CLEC4D: variants seen among roughly 807,000 people sequenced by gnomAD.
The protein encoded by CLEC4D is C-type (calcium dependent, carbohydrate-recognition domain) lectin, superfamily member 8.
A neutral mutation model predicts 21.1 loss-of-function variants in CLEC4D; 21 were observed. The ratio of observed to expected loss-of-function variants is 1.00; its 90% CI spans 0.71 to 1.43. The LOEUF is 1.43. Ranked by LOEUF, CLEC4D falls within the 40% of genes most tolerant of loss-of-function variation. The probability of loss-of-function intolerance (pLI) is 0.00; values close to 1 mark genes in which losing one functional copy is unlikely to be tolerated. For synonymous variants in CLEC4D, 85 were observed against 83.1 expected, an observed-to-expected ratio of 1.02 and a Z score of -0.12; for missense variants, 289 against 260.7, an observed-to-expected ratio of 1.11 and a Z score of -0.75.
chr12:8,514,205 T>A (rs4534636), intron 1 of CLEC4D, among the ~76,000 whole-genome samples: 24,167 of 152,052 alleles, frequency 0.16, 2,121 homozygotes, highest in Middle Eastern at 0.28. Context: ...TGTGGAAATG[T>A]TTAAATTAAA....
chr12:8,518,184 C>A lies in CLEC4D; in HGVS notation c.142C>A (p.Arg48Ser), dbSNP rs867728477. The A allele has an allele frequency of 3.0e-6, 4 of 1,332,696 alleles. No homozygotes were observed. The highest frequency in any genetic ancestry group is 4.3e-6 in the Non-Finnish European group (4 of 923,972). The allele number at this position is 1,332,696 out of a possible 1,614,324, so 82.6% of individuals were successfully genotyped here. A position where few individuals can be genotyped will look rare whatever the true frequency, so the allele number is the denominator to read the frequency against. The change falls in exon 3 of 6, where the codon CGC becomes AGC. Residue 48 changes from arginine to serine, a missense_variant. Physicochemically the swap from Arg to Ser is moderately radical, Grantham distance 110. Coordinates refer to ENST00000299665, the MANE Select transcript of CLEC4D (RefSeq NM_080387.5). ...SCLVTHHNFSRCKRGTGVHKL... is the reference protein window; with the variant it reads ...SCLVTHHNFSSCKRGTGVHKL... ...GACAGTGACTCATCACAACTTTTCA[C>A]GCTGTAAGAGAGGCACAGGAGTGCA...
At chr12:8,516,842 G>GCA (rs1451429520) in intron 2 of CLEC4D, among the ~76,000 whole-genome samples, 1 of 152,174 alleles carries the variant, frequency 6.6e-6, no homozygotes, top group African/African-American at 2.4e-5. Context: ...TGGAAACAAG[G>GCA]CACACATCTA....
the CLEC4D span, among the ~76,000 whole-genome samples, chr12:8,527,379 C>G: frequency 1.3e-5 from 2 of 152,182 alleles, no homozygotes; most frequent in Admixed American, 6.5e-5. Context: ...ATTCTGTCCC[C>G]GAGCCTCTGG....
Position 8,521,143 on chromosome 12 carries a change from C to G in CLEC4D, c.520C>G (p.Pro174Ala), listed in dbSNP as rs768905111. The G allele has an allele frequency of 4.3e-6, 7 of 1,613,060 alleles. No homozygotes were observed. The highest frequency in any genetic ancestry group is 1.7e-5 in the Admixed American group (1 of 59,880). Residue 174 changes from proline to alanine, a missense_variant, in exon 6 of 6, where the codon CCC becomes GCC. By Grantham distance (27) the Pro-to-Ala change is conservative (BLOSUM62 -1). Coordinates refer to ENST00000299665, the MANE Select transcript of CLEC4D (RefSeq NM_080387.5). Reference protein sequence around the residue: ...PRRVFWHKNEPDNSQGENCVV... With the variant: ...PRRVFWHKNEADNSQGENCVV... ...TTTCAGATTCTGGCATAAGAATGAA[C>G]CCGACAACTCTCAGGGAGAAAACTG...
At position 8,518,150 on chromosome 12, in the gene CLEC4D, T is replaced by C. The variant is rs764606804; in HGVS notation, c.122-14T>C. Reference sequence around the variant, plus strand: ...TATAGAAAAAGAAACCTAACTTGCTTTTATCCTTGACAGTGACTCATCACA... The same window carrying C: ...TATAGAAAAAGAAACCTAACTTGCTCTTATCCTTGACAGTGACTCATCACA... On this transcript the variant is annotated splice_polypyrimidine_tract_variant and intron_variant, in intron 2 of 5. Transcript: ENST00000299665. 2 of 963,522 alleles carry C rather than the reference T, an allele frequency of 2.1e-6. No homozygotes were observed. The highest frequency in any genetic ancestry group is 3.4e-6 in the Non-Finnish European group (2 of 591,204). 59.7% of individuals were successfully genotyped at this position (963,522 alleles called of 1,614,324 possible).
the CLEC4D span, among the ~76,000 whole-genome samples, chr12:8,527,674 C>CG: frequency 6.6e-6 from 1 of 152,240 alleles, no homozygotes; most frequent in Non-Finnish European, 1.5e-5. Flanking sequence ...AGAGCGCAAA[C>CG]GGCTTAGACA....
In CLEC4D at chr12:8,521,471, T is replaced by G. The variant is rs148532747; in HGVS notation, c.*200T>G. On this transcript the variant is annotated 3_prime_UTR_variant, in exon 6 of 6. Transcript: ENST00000299665. The stretch of plus-strand genomic sequence containing the variant: ...GTGTGTGTGTGTGTAGATAATGTGG[T>G]TTTTGTATGGTGTTTGATGGAAGGA... The G allele has an allele frequency of 3.5e-6, 4 of 1,142,750 alleles. No homozygotes were observed. In the African/African-American group the frequency reaches 6.3e-5, roughly 18 times the overall value. The allele number at this position is 1,142,750 out of a possible 1,614,324, so 70.8% of individuals were successfully genotyped here. A position where few individuals can be genotyped will look rare whatever the true frequency, so the allele number is the denominator to read the frequency against.
At chr12:8,515,639 G>A (rs1404680620) in intron 2 of CLEC4D, among the ~76,000 whole-genome samples, 57 of 152,108 alleles carry the variant, frequency 3.7e-4, no homozygotes, top group Admixed American at 3.7e-3. Flanking sequence ...AAAAGAGTAA[G>A]CAGAAGAAAA....
At chr12:8,526,208 A>G (rs1165107750), downstream of CLEC4D, among the ~76,000 whole-genome samples, 1 of 151,956 alleles carries the variant, frequency 6.6e-6, no homozygotes, top group African/African-American at 2.4e-5. Context: ...TGTTCTCTGT[A>G]TTTTGTGAAT....
chr12:8,518,791 A>T (rs781729056), intron 3 of CLEC4D, among the ~76,000 whole-genome samples: 1 of 152,262 alleles, frequency 6.6e-6, no homozygotes, highest in East Asian at 1.9e-4. Flanking sequence ...ATATTTTGTG[A>T]TTTTCTCGTA....
In CLEC4D at chr12:8,521,644, A is replaced by C. The variant is rs1940461086; in HGVS notation, c.*373A>C. On this transcript the variant is annotated 3_prime_UTR_variant, in exon 6 of 6. Transcript: ENST00000299665. ...CAGACTCTTAGCTCTTAAAATTCAA[A>C]GATGGGATATTCTAACTGGTAGTGG... 1 of 160,584 alleles carries C rather than the reference A, an allele frequency of 6.2e-6. No individual in the cohort carries two copies. Among genetic ancestry groups the C allele is most frequent in the African/African-American group, 2.4e-5 (1 of 41,646 alleles). 9.9% of individuals were successfully genotyped at this position (160,584 alleles called of 1,614,324 possible).
At chr12:8,524,273 T>C (rs1940489921), downstream of CLEC4D, among the ~76,000 whole-genome samples, 1 of 152,184 alleles carries the variant, frequency 6.6e-6, no homozygotes, top group African/African-American at 2.4e-5. Context: ...GAAGGAATGG[T>C]ACCAGTTCTT....
chr12:8,514,495 T>C (rs1940350430), intron 1 of CLEC4D, among the ~76,000 whole-genome samples: 1 of 152,136 alleles, frequency 6.6e-6, no homozygotes, highest in Non-Finnish European at 1.5e-5. Context: ...ATAAACAAGC[T>C]CAATTATTTC....
Position 8,521,090 on chromosome 12 carries a change from C to G in CLEC4D, c.501-34C>G, listed in dbSNP as rs78269423. On this transcript the variant is annotated intron_variant, in intron 5 of 5. Coordinates refer to ENST00000299665, the MANE Select transcript of CLEC4D (RefSeq NM_080387.5). ...TATAATCTACATTGTCTATATATAC[C>G]TATAAATCTCTATCTATGTTGTTGT... The G allele has an allele frequency of 1.1e-4, 175 of 1,603,640 alleles. No homozygotes were observed. The East Asian group carries it at 3.2e-3, about 29-fold the overall frequency.
At chr12:8,528,382 A>G in the CLEC4D span, among the ~76,000 whole-genome samples, 11 of 152,168 alleles carry the variant, frequency 7.2e-5, no homozygotes, top group Non-Finnish European at 1.6e-4. Flanking sequence ...CTCACCAGAC[A>G]CAGCTTTTTG....
chr12:8,515,354 C>A, intron 2 of CLEC4D, 26 bp downstream of exon 2: 1 of 995,010 alleles, frequency 1.0e-6, no homozygotes, highest in South Asian at 1.3e-5. Flanking sequence ...AAGTAGAACT[C>A]TTCTTGAATT....
At chr12:8,516,087 G>A (rs1316647400) in intron 2 of CLEC4D, among the ~76,000 whole-genome samples, 1 of 152,054 alleles carries the variant, frequency 6.6e-6, no homozygotes, top group East Asian at 1.9e-4. Context: ...GATGAAATTG[G>A]TCTCCTGCAT....
rs189811228 is a variant in CLEC4D, at chr12:8,514,344, G to A, written c.28+584G>A. 1.8e-4 allele frequency among the ~76,000 whole-genome samples: 28 copies of A among 152,030 alleles called. 1 individual carries two copies. In the East Asian group the frequency reaches 3.9e-3, roughly 21 times the overall value. On this transcript the variant is annotated intron_variant, in intron 1 of 5. Transcript: ENST00000299665. ...TTGCATCAATATATACTGATTACATGCTTATTTAATTACTATACAGAATAT... is the reference window on the plus strand; with the variant it reads ...TTGCATCAATATATACTGATTACATACTTATTTAATTACTATACAGAATAT...
downstream of CLEC4D, among the ~76,000 whole-genome samples, chr12:8,525,728 C>T (rs1435758716): frequency 6.6e-6 from 1 of 152,122 alleles, no homozygotes; most frequent in African/African-American, 2.4e-5. Context: ...ATCCCATCAT[C>T]ATGATGCTAT....
Sources: gnomAD v4.1 joint callset for allele counts (sites outside exome capture counted in the v4.1 genomes callset) on GRCh38, gnomAD v4.1.1 for gene constraint, MANE v1.5 for transcripts, NCBI Gene and HGNC (gene_info 2026-07-23, HGNC 2026-07-21) for gene names.